The following SPAG16 variants were observed in gnomAD, a reference collection of about 807,000 sequenced individuals.
The protein encoded by SPAG16 is sperm-associated antigen 16 protein.
A neutral mutation model predicts 80.4 loss-of-function variants in SPAG16; 86 were observed. That is an observed-to-expected ratio of 1.07 (90% confidence interval 0.90 to 1.28). SPAG16 has a LOEUF of 1.28. Ranked by LOEUF, SPAG16 falls within the 50% of genes most tolerant of loss-of-function variation. The probability of loss-of-function intolerance (pLI) is 0.00; values close to 1 mark genes in which losing one functional copy is unlikely to be tolerated. For missense variants in SPAG16, 870 were observed against 765.3 expected (o/e 1.14, Z -1.61); for synonymous variants, 294 against 265.9 (o/e 1.11, Z -1.03).
At chr2:213,982,730 A>G (rs1365196871) in intron 12 of SPAG16, among the ~76,000 whole-genome samples, 5 of 118,122 alleles carry the variant, frequency 4.2e-5, no homozygotes, top group Admixed American at 2.6e-4. Flanking sequence ...ACACTTGACA[A>G]CATAAGAGTA....
intron 13 of SPAG16, among the ~76,000 whole-genome samples, chr2:214,014,896 G>A (rs550839695): frequency 7.4e-4 from 112 of 152,264 alleles, no homozygotes; most frequent in African/African-American, 2.6e-3. Flanking sequence ...TCTGCAGGGT[G>A]GCCATTCGGA....
intron 15 of SPAG16, among the ~76,000 whole-genome samples, chr2:214,376,668 C>T (rs1700152887): frequency 6.6e-6 from 1 of 152,174 alleles, no homozygotes; most frequent in Non-Finnish European, 1.5e-5. Flanking sequence ...GAGGGTTCTT[C>T]TCTGTGTTCA....
intron 13 of SPAG16, among the ~76,000 whole-genome samples, chr2:214,075,533 G>T (rs142751370): frequency 6.6e-6 from 1 of 152,144 alleles, no homozygotes; most frequent in East Asian, 1.9e-4. Flanking sequence ...CAACTTAAAC[G>T]CTTGTGATTT....
At chr2:214,105,832 A>T (rs533141180) in intron 13 of SPAG16, among the ~76,000 whole-genome samples, 2 of 152,142 alleles carry the variant, frequency 1.3e-5, no homozygotes, top group Non-Finnish European at 2.9e-5. Flanking sequence ...AAAAGAGGAG[A>T]TTCACTTTTA....
chr2:213,616,598 A>T (rs2061606057), intron 10 of SPAG16, among the ~76,000 whole-genome samples: 1 of 152,224 alleles, frequency 6.6e-6, no homozygotes, highest in African/African-American at 2.4e-5. Flanking sequence ...CTGCTTTAGA[A>T]TCCTGAGGGA....
At chr2:214,197,204 A>G (rs1247131875) in intron 15 of SPAG16, among the ~76,000 whole-genome samples, 1 of 152,058 alleles carries the variant, frequency 6.6e-6, no homozygotes, top group Non-Finnish European at 1.5e-5. Flanking sequence ...TATTATTTAG[A>G]GTTCTGATAC....
chr2:214,119,394 A>G (rs1043097639), intron 14 of SPAG16, among the ~76,000 whole-genome samples: 2 of 152,152 alleles, frequency 1.3e-5, no homozygotes, highest in African/African-American at 2.4e-5. Context: ...AAAACCAAAA[A>G]AGGAAGATGA....
intron 12 of SPAG16, among the ~76,000 whole-genome samples, chr2:213,991,195 C>T (rs188074822): frequency 2.4e-4 from 37 of 152,106 alleles, no homozygotes; most frequent in African/African-American, 6.7e-4. Flanking sequence ...ATGTTCCCCT[C>T]CCTGTGTCCA....
chr2:214,050,440 T>A (rs2049581693), intron 13 of SPAG16, among the ~76,000 whole-genome samples: 2 of 152,236 alleles, frequency 1.3e-5, no homozygotes, highest in South Asian at 4.1e-4. Flanking sequence ...ATCTGAGTGG[T>A]CTGATCTGAG....
chr2:213,793,777 C>G (rs977833717), intron 10 of SPAG16, among the ~76,000 whole-genome samples: 4 of 152,198 alleles, frequency 2.6e-5, no homozygotes, highest in African/African-American at 9.6e-5. Flanking sequence ...AGTTTCTTCG[C>G]TCTGTGGTCC....
chr2:213,823,819 T>G (rs2073105361), intron 10 of SPAG16, among the ~76,000 whole-genome samples: 1 of 152,216 alleles, frequency 6.6e-6, no homozygotes, highest in Non-Finnish European at 1.5e-5. Flanking sequence ...GTTAGGCCTT[T>G]GTCAGATAGG....
intron 8 of SPAG16, among the ~76,000 whole-genome samples, chr2:213,370,011 G>GTAGTATCAC (rs1448614053): frequency 6.6e-6 from 1 of 152,190 alleles, no homozygotes; most frequent in Non-Finnish European, 1.5e-5. Flanking sequence ...GTCATACAGA[G>GTAGTATCAC]TAGTATCACT....
chr2:213,618,374 T>C (rs2061666476), intron 10 of SPAG16, among the ~76,000 whole-genome samples: 2 of 152,220 alleles, frequency 1.3e-5, no homozygotes, highest in South Asian at 4.1e-4. Context: ...TTCATAGCAG[T>C]CATTATCTGA....
At chr2:213,923,141 G>A (rs2078300777) in intron 11 of SPAG16, among the ~76,000 whole-genome samples, 1 of 152,176 alleles carries the variant, frequency 6.6e-6, no homozygotes, top group Non-Finnish European at 1.5e-5. Flanking sequence ...AACTAGGACT[G>A]TTGGGCCAGC....
intron 10 of SPAG16, among the ~76,000 whole-genome samples, chr2:213,601,708 A>G (rs1343818402): frequency 6.6e-6 from 1 of 152,198 alleles, no homozygotes; most frequent in African/African-American, 2.4e-5. Context: ...ATTTTACTGT[A>G]CCTTTTCTAT....
Position 213,980,725 on chromosome 2 carries a change from T to TAGAGAGAGAGAG in SPAG16, c.1401-33203_1401-33192dup, listed in dbSNP as rs1553686631. Among the ~76,000 whole-genome samples, 33 of 103,986 alleles carry TAGAGAGAGAGAG rather than the reference T, an allele frequency of 3.2e-4. No homozygotes were observed. The South Asian group carries it at 4.1e-3, about 13-fold the overall frequency. 68.2% of individuals were successfully genotyped at this position (103,986 alleles called of 152,430 possible). A position where few individuals can be genotyped will look rare whatever the true frequency, so the allele number is the denominator to read the frequency against. On this transcript the variant is annotated intron_variant, in intron 12 of 15. Coordinates refer to ENST00000331683, the MANE Select transcript of SPAG16 (RefSeq NM_024532.5). ...GTGTGTGTGTGTGTATATATATATA[T>TAGAGAGAGAGAG]AGAGAGAGAGAGAGAGAGAGAGAGA...
At chr2:213,351,335 G>A (rs536856411) in intron 7 of SPAG16, among the ~76,000 whole-genome samples, 8 of 152,110 alleles carry the variant, frequency 5.3e-5, no homozygotes, top group Admixed American at 1.3e-4. Context: ...TATATAAAAT[G>A]TAGCTGCAAA....
At chr2:214,043,554 A>G (rs1300046850) in intron 13 of SPAG16, among the ~76,000 whole-genome samples, 1 of 152,172 alleles carries the variant, frequency 6.6e-6, no homozygotes, top group Non-Finnish European at 1.5e-5. Flanking sequence ...GGTATTAAAT[A>G]CATAATTGTC....
chr2:214,380,347 G>T (rs1199349272), intron 15 of SPAG16, among the ~76,000 whole-genome samples: 1 of 152,116 alleles, frequency 6.6e-6, no homozygotes, highest in Non-Finnish European at 1.5e-5. Flanking sequence ...CAATCTTCAA[G>T]AAAATGCCTA....
Sources: gnomAD v4.1 joint callset for allele counts (sites outside exome capture counted in the v4.1 genomes callset) on GRCh38, gnomAD v4.1.1 for gene constraint, MANE v1.5 for transcripts, NCBI Gene and HGNC (gene_info 2026-07-23, HGNC 2026-07-21) for gene names.